KCNH1: variants seen among roughly 807,000 people sequenced by gnomAD.
KCNH1 encodes potassium voltage-gated channel subfamily H member 1, also known as voltage-gated delayed rectifier potassium channel KCNH1.
KCNH1 carries 27 observed loss-of-function variants against 69.2 expected under a neutral mutation model. The observed-to-expected ratio is 0.39, with a 90% confidence interval of 0.29 to 0.54. The LOEUF is 0.54. KCNH1 is among the 20% of genes least tolerant of loss of function. The pLI is 0.68. For synonymous variants in KCNH1, 456 were observed against 487.7 expected, an observed-to-expected ratio of 0.93 and a Z score of 0.86; for missense variants, 798 against 1,261.6, an observed-to-expected ratio of 0.63 and a Z score of 5.57.
chr1:210,732,871 C>T (rs1001976008), intron 10 of KCNH1, among the ~76,000 whole-genome samples: 4 of 152,166 alleles, frequency 2.6e-5, no homozygotes, highest in African/African-American at 7.2e-5. Context: ...CTACTAATAC[C>T]ATCACCTTGG....
chr1:210,828,182 G>A (rs926262268), intron 7 of KCNH1, among the ~76,000 whole-genome samples: 3 of 152,076 alleles, frequency 2.0e-5, no homozygotes, highest in African/African-American at 7.2e-5. Context: ...AGTAACACCT[G>A]TCTCAATGGG....
intron 5 of KCNH1, among the ~76,000 whole-genome samples, chr1:211,035,226 T>C (rs1032476995): frequency 1.4e-5 from 2 of 145,156 alleles, no homozygotes; most frequent in African/African-American, 5.2e-5. Flanking sequence ...AACCATAGGG[T>C]ACTGGCATTC....
chr1:210,856,817 T>C (rs1284443566), intron 7 of KCNH1, among the ~76,000 whole-genome samples: 1 of 131,802 alleles, frequency 7.6e-6, no homozygotes, highest in Non-Finnish European at 1.6e-5. Context: ...ATATATTATA[T>C]ATATTTTATA....
At chr1:210,760,917 A>C (rs1683502813) in intron 10 of KCNH1, among the ~76,000 whole-genome samples, 2 of 152,268 alleles carry the variant, frequency 1.3e-5, no homozygotes, top group South Asian at 4.1e-4. Flanking sequence ...TTTGGGTGAG[A>C]ACACAGTCAA....
intron 7 of KCNH1, chr1:210,918,817 T>A (rs1410158454): frequency 6.6e-6 from 1 of 152,216 alleles, no homozygotes; most frequent in Non-Finnish European, 1.5e-5. Context: ...AAATTTTTCC[T>A]AGGAGCTACT....
intron 7 of KCNH1, among the ~76,000 whole-genome samples, chr1:210,907,229 G>A (rs1178071715): frequency 6.6e-6 from 1 of 152,098 alleles, no homozygotes; most frequent in Non-Finnish European, 1.5e-5. Flanking sequence ...CACTTCCAGG[G>A]TTATATCTCC....
At chr1:210,793,801 T>C (rs1440288609) in intron 9 of KCNH1, among the ~76,000 whole-genome samples, 2 of 152,186 alleles carry the variant, frequency 1.3e-5, no homozygotes, top group Non-Finnish European at 2.9e-5. Flanking sequence ...TTTAAAGCAA[T>C]GGATATACAG....
intron 10 of KCNH1, among the ~76,000 whole-genome samples, chr1:210,698,744 A>G (rs1574189797): frequency 1.3e-5 from 2 of 152,148 alleles, no homozygotes; most frequent in African/African-American, 4.8e-5. Context: ...ATGGGTAGCC[A>G]CTATTACAAA....
At chr1:211,032,887 C>T (rs1486891221) in intron 5 of KCNH1, among the ~76,000 whole-genome samples, 2 of 152,172 alleles carry the variant, frequency 1.3e-5, no homozygotes, top group Non-Finnish European at 2.9e-5. Context: ...AAAGCAATGT[C>T]AACAAAAGCC....
At chr1:211,064,204 G>C (rs1257185735) in intron 5 of KCNH1, among the ~76,000 whole-genome samples, 1 of 152,154 alleles carries the variant, frequency 6.6e-6, no homozygotes, top group Non-Finnish European at 1.5e-5. Flanking sequence ...CCATTAAAAA[G>C]AATGAAGGAG....
At chr1:210,760,747 C>T (rs1226189042) in intron 10 of KCNH1, among the ~76,000 whole-genome samples, 4 of 152,188 alleles carry the variant, frequency 2.6e-5, no homozygotes, top group African/African-American at 7.2e-5. Context: ...AGGGCTTGTG[C>T]AGGGAGATTC....
chr1:211,015,569 T>C (rs1268905363), intron 6 of KCNH1, among the ~76,000 whole-genome samples: 2 of 152,042 alleles, frequency 1.3e-5, no homozygotes, highest in Admixed American at 6.6e-5. Flanking sequence ...GTGCTAGGAC[T>C]CTTGTTCTTA....
intron 5 of KCNH1, among the ~76,000 whole-genome samples, chr1:211,044,405 A>T (rs919668956): frequency 6.6e-6 from 1 of 152,210 alleles, no homozygotes; most frequent in Non-Finnish European, 1.5e-5. Flanking sequence ...ACAAAGATAA[A>T]TAGCTGGGAC....
At chr1:211,129,366 G>A (rs1056138895) in intron 1 of KCNH1, among the ~76,000 whole-genome samples, 3 of 152,174 alleles carry the variant, frequency 2.0e-5, no homozygotes, top group Admixed American at 1.3e-4. Flanking sequence ...CGGAAACAAT[G>A]AAGCCAAGGA....
intron 7 of KCNH1, among the ~76,000 whole-genome samples, chr1:210,830,548 G>A (rs769442414): frequency 1.1e-4 from 16 of 152,046 alleles, no homozygotes; most frequent in Non-Finnish European, 2.2e-4. Flanking sequence ...CAAATAAGGA[G>A]AAAGGAGAGG....
At chr1:210,939,113 G>T (rs1687833585) in intron 6 of KCNH1, among the ~76,000 whole-genome samples, 1 of 152,000 alleles carries the variant, frequency 6.6e-6, no homozygotes, top group Admixed American at 6.6e-5. Flanking sequence ...CCCATGAATG[G>T]TCCTTCACTC....
intron 6 of KCNH1, among the ~76,000 whole-genome samples, chr1:210,967,924 A>G (rs1016086696): frequency 6.6e-6 from 1 of 151,358 alleles, no homozygotes; most frequent in Non-Finnish European, 1.5e-5. Context: ...TGTGCAGGTT[A>G]GTTACATATG....
chr1:210,910,549 T>C (rs1306245536), intron 7 of KCNH1, among the ~76,000 whole-genome samples: 1 of 152,242 alleles, frequency 6.6e-6, no homozygotes, highest in African/African-American at 2.4e-5. Flanking sequence ...CAGTGCCCTG[T>C]TCATTGCTGT....
rs749409939 is a variant in KCNH1 at position 210,797,719 on chromosome 1, G to A, written c.1704C>T (p.Cys568=). The A allele has an allele frequency of 1.7e-5, 28 of 1,614,106 alleles. No homozygotes were observed. The Admixed American group carries it at 3.5e-4, about 20-fold the overall frequency. The part of the protein sequence containing the change: ...ICPKDMRADI[C]VHLNRKVFKE... ...TGAACACCTTGCGGTTCAGGTGCAC[G>A]CAGATGTCGGCTCTCATGTCCTTGG... The change falls in exon 9 of 11, where the codon TGC becomes TGT. Residue 568 remains cysteine (C), a synonymous_variant. Transcript: ENST00000271751.
Sources: gnomAD v4.1 joint callset for allele counts (sites outside exome capture counted in the v4.1 genomes callset) on GRCh38, gnomAD v4.1.1 for gene constraint, MANE v1.5 for transcripts, NCBI Gene and HGNC (gene_info 2026-07-23, HGNC 2026-07-21) for gene names.